The following TNS1 variants were observed in gnomAD, a reference collection of about 807,000 sequenced individuals.
The protein encoded by TNS1 is tensin-1.
TNS1 carries 62 observed loss-of-function variants against 168.6 expected under a neutral mutation model. The observed-to-expected ratio is 0.37, with a 90% CI of 0.30 to 0.45. The LOEUF (loss-of-function observed/expected upper bound fraction) is 0.45. Among genes scored for constraint, TNS1 ranks in the 20% least tolerant of loss-of-function variants. The probability of loss-of-function intolerance (pLI) is 1.00; values close to 1 mark genes in which losing one functional copy is unlikely to be tolerated. For missense variants in TNS1, 2,240 were observed against 2,339.4 expected (o/e 0.96, Z 0.88); for synonymous variants, 934 against 933.2 (o/e 1.00, Z -0.02).
chr2:217,848,987 T>A lies in TNS1; in HGVS notation c.1530A>T (p.Thr510=). The change falls in exon 19 of 33, where the codon ACA becomes ACT. Residue 510 remains threonine, a synonymous_variant. Coordinates refer to ENST00000682258, the MANE Select transcript of TNS1 (RefSeq NM_001387777.1). ...TGGGGGTGGCCGACAGTGTAGGACG[T>A]GTGGCATTAACAGCCCCGGTGCTGC... The part of the protein sequence containing the change: ...LHGSTGAVNA[T]RPTLSATPNH... 1 of 1,614,000 alleles carries A rather than the reference T, an allele frequency of 6.2e-7. No individual in the cohort carries two copies. The highest frequency in any genetic ancestry group is 8.5e-7 in the Non-Finnish European group (1 of 1,179,986).
chr2:217,937,478 C>A lies in TNS1; in HGVS notation c.187-17242G>T, dbSNP rs980545351. The stretch of plus-strand genomic sequence containing the variant: ...GGAGGCTTCTCCCCATGCCAGCCCC[C>A]CTTCCTGGCTTGGCGGCCCCTCTCA... On this transcript the variant is annotated intron_variant, in intron 3 of 32. Coordinates refer to ENST00000682258, the MANE Select transcript of TNS1 (RefSeq NM_001387777.1). 1.4e-4 allele frequency among the ~76,000 whole-genome samples: 21 copies of A among 152,278 alleles called. No individual in the cohort carries two copies. In the South Asian group the frequency reaches 2.1e-3, roughly 15 times the overall value.
chr2:217,886,481 G>A (rs1951212345), intron 13 of TNS1, 53 bp downstream of exon 13: 3 of 1,407,250 alleles, frequency 2.1e-6, no homozygotes, highest in African/African-American at 2.8e-5. Context: ...GAAGATGGAA[G>A]ATGAAAGGGA....
chr2:217,947,535 G>T (rs1234004077), intron 3 of TNS1, among the ~76,000 whole-genome samples: 2 of 152,168 alleles, frequency 1.3e-5, no homozygotes, highest in East Asian at 3.9e-4. Flanking sequence ...GGAGCTGGGG[G>T]TGGCGGGACA....
upstream of TNS1, among the ~76,000 whole-genome samples, chr2:218,013,040 G>A (rs1456175933): frequency 1.3e-5 from 2 of 151,724 alleles, no homozygotes; most frequent in East Asian, 1.9e-4. Context: ...TTGAGGTCAG[G>A]AGTTCGAAAC....
intron 23 of TNS1, among the ~76,000 whole-genome samples, chr2:217,820,118 T>C (rs1942586008): frequency 6.6e-6 from 1 of 151,138 alleles, no homozygotes; most frequent in Admixed American, 6.6e-5. Context: ...TTCTGAGGAG[T>C]GGGAGACAGA....
intron 27 of TNS1, 78 bp from the exon 28 acceptor site, chr2:217,812,523 C>T (rs538699561): frequency 1.8e-5 from 21 of 1,179,650 alleles, no homozygotes; most frequent in African/African-American, 1.1e-4. Context: ...ACCCTTACAC[C>T]GATACACACA....
intron 1 of TNS1, among the ~76,000 whole-genome samples, chr2:218,015,913 C>CCTAGGAG (rs1958755471): frequency 6.6e-6 from 1 of 152,200 alleles, no homozygotes; most frequent in African/African-American, 2.4e-5. Context: ...AGACTGCAGA[C>CCTAGGAG]CTAGGAGCTG....
intron 18 of TNS1, among the ~76,000 whole-genome samples, chr2:217,861,709 T>C (rs1948797395): frequency 6.6e-6 from 1 of 152,226 alleles, no homozygotes; most frequent in African/African-American, 2.4e-5. Context: ...ATACTAGTCA[T>C]TGTATCTCAG....
chr2:217,825,692 T>C (rs1432263442), intron 22 of TNS1, among the ~76,000 whole-genome samples: 3 of 152,198 alleles, frequency 2.0e-5, no homozygotes, highest in Non-Finnish European at 4.4e-5. Context: ...TTACTTGCCA[T>C]TAGGCAAGGC....
At chr2:217,886,774 T>A in intron 12 of TNS1, 128 bp from the exon 13 acceptor site, 1 of 713,924 alleles carries the variant, frequency 1.4e-6, no homozygotes, top group South Asian at 1.8e-5. Context: ...ACCAACATGG[T>A]CCCCCTCCCC....
At chr2:217,823,927 T>C (rs998700086) in intron 22 of TNS1, among the ~76,000 whole-genome samples, 10 of 152,216 alleles carry the variant, frequency 6.6e-5, no homozygotes, top group Non-Finnish European at 1.3e-4. Flanking sequence ...CCAGGCCAAA[T>C]TCATACCAAA....
chr2:217,885,288 G>T, intron 15 of TNS1, 124 bp from the exon 16 acceptor site: 1 of 1,337,974 alleles, frequency 7.5e-7, no homozygotes. Context: ...GTGAGGGAGA[G>T]CTCATCAACA....
chr2:217,812,677 A>G (rs1456998787), intron 27 of TNS1, among the ~76,000 whole-genome samples: 1 of 152,218 alleles, frequency 6.6e-6, no homozygotes, highest in Non-Finnish European at 1.5e-5. Flanking sequence ...TCCTTTGCAG[A>G]AAGTTCCTCC....
At chr2:218,027,100 C>A (rs540240937) in intron 1 of TNS1, among the ~76,000 whole-genome samples, 24 of 152,108 alleles carry the variant, frequency 1.6e-4, no homozygotes, top group African/African-American at 5.5e-4. Flanking sequence ...CTGTACCGCA[C>A]CCCACCCCAC....
At chr2:217,884,955 A>C in intron 16 of TNS1, 80 bp downstream of exon 16, 3 of 1,575,138 alleles carry the variant, frequency 1.9e-6, no homozygotes, top group Non-Finnish European at 2.6e-6. Flanking sequence ...GATGGTCCCC[A>C]TACCCACCAT....
intron 2 of TNS1, among the ~76,000 whole-genome samples, chr2:217,979,182 A>T (rs975178812): frequency 6.6e-6 from 1 of 152,246 alleles, no homozygotes; most frequent in Admixed American, 6.5e-5. Flanking sequence ...CTCCCCTTAC[A>T]CACACACCAG....
chr2:217,915,188 C>T (rs1019624144), intron 4 of TNS1, among the ~76,000 whole-genome samples: 1 of 152,224 alleles, frequency 6.6e-6, no homozygotes, highest in African/African-American at 2.4e-5. Context: ...GCACATCACC[C>T]TTGATGGAGC....
At chr2:217,849,615 C>T (rs1947191460) in intron 18 of TNS1, 1 of 979,678 alleles carries the variant, frequency 1.0e-6, no homozygotes, top group Non-Finnish European at 1.2e-6. Context: ...TCATTAATTC[C>T]TGAATGACCA....
chr2:217,998,033 C>T (rs1958501634), intron 1 of TNS1, among the ~76,000 whole-genome samples: 1 of 152,212 alleles, frequency 6.6e-6, no homozygotes, highest in South Asian at 2.1e-4. Flanking sequence ...CAAGCCAAGA[C>T]ACCAGGTGAC....
Sources: gnomAD v4.1 joint callset for allele counts (sites outside exome capture counted in the v4.1 genomes callset) on GRCh38, gnomAD v4.1.1 for gene constraint, MANE v1.5 for transcripts, NCBI Gene and HGNC (gene_info 2026-07-23, HGNC 2026-07-21) for gene names.